EPHX2: variants seen among roughly 807,000 people sequenced by gnomAD.
EPHX2 encodes bifunctional epoxide hydrolase 2.
A neutral mutation model predicts 78.7 loss-of-function variants in EPHX2; 74 were observed. The ratio of observed to expected loss-of-function variants is 0.94; its 90% confidence interval spans 0.78 to 1.14. The LOEUF is 1.14. EPHX2 is among the 50% of genes most tolerant of loss of function. The pLI is 0.00. For synonymous variants in EPHX2, 251 were observed against 255.2 expected (o/e 0.98, Z 0.16); for missense variants, 715 against 702.5 (o/e 1.02, Z -0.20).
chr8:27,510,361 G>T (rs1016207061), intron 5 of EPHX2, among the ~76,000 whole-genome samples: 1 of 152,120 alleles, frequency 6.6e-6, no homozygotes, highest in African/African-American at 2.4e-5. Flanking sequence ...TCTGCCTCAG[G>T]GAAACTGATT....
chr8:27,522,051 T>TG (rs1258232637), intron 10 of EPHX2, among the ~76,000 whole-genome samples: 2 of 151,970 alleles, frequency 1.3e-5, no homozygotes, highest in East Asian at 1.9e-4. Flanking sequence ...AGTGGGGTTG[T>TG]GGGGGGTAGA....
intron 10 of EPHX2, among the ~76,000 whole-genome samples, chr8:27,521,926 C>T (rs1035190893): frequency 6.6e-6 from 1 of 152,178 alleles, no homozygotes; most frequent in African/African-American, 2.4e-5. Flanking sequence ...GTGGCTATAG[C>T]TCTTCCATAA....
At chr8:27,546,509 G>A (rs182977899), downstream of EPHX2, among the ~76,000 whole-genome samples, 1 of 152,202 alleles carries the variant, frequency 6.6e-6, no homozygotes, top group Non-Finnish European at 1.5e-5. Context: ...AGGACTGGGG[G>A]AAAGGCTTAC....
intron 1 of EPHX2, among the ~76,000 whole-genome samples, chr8:27,494,969 G>T (rs564488247): frequency 6.6e-6 from 1 of 152,240 alleles, no homozygotes; most frequent in African/African-American, 2.4e-5. Flanking sequence ...GGGTCCTTCC[G>T]TAGGTATTTC....
chr8:27,507,353 C>T (rs1403925334), intron 5 of EPHX2, among the ~76,000 whole-genome samples: 1 of 152,144 alleles, frequency 6.6e-6, no homozygotes. Context: ...TCGAGCATGC[C>T]GCTGGCACTC....
intron 12 of EPHX2, among the ~76,000 whole-genome samples, chr8:27,535,147 C>T (rs1227833325): frequency 1.3e-5 from 2 of 152,112 alleles, no homozygotes; most frequent in Non-Finnish European, 2.9e-5. Flanking sequence ...CCCTCAGCAG[C>T]AGCTGTGTTA....
At chr8:27,499,893 C>T (rs1394267179) in intron 1 of EPHX2, among the ~76,000 whole-genome samples, 4 of 152,178 alleles carry the variant, frequency 2.6e-5, no homozygotes, top group East Asian at 1.9e-4. Flanking sequence ...GTGTCCTAAT[C>T]GCCTTATAAG....
chr8:27,521,242 C>A (rs757668781), intron 10 of EPHX2, among the ~76,000 whole-genome samples: 2 of 152,238 alleles, frequency 1.3e-5, no homozygotes, highest in African/African-American at 2.4e-5. Flanking sequence ...TTTAAACTTT[C>A]ATCCCTTCTG....
chr8:27,532,460 A>G (rs1815077677), intron 12 of EPHX2, among the ~76,000 whole-genome samples: 1 of 152,120 alleles, frequency 6.6e-6, no homozygotes, highest in Non-Finnish European at 1.5e-5. Flanking sequence ...GGGCTGCCAT[A>G]ACAAAGTACC....
intron 12 of EPHX2, among the ~76,000 whole-genome samples, chr8:27,535,071 G>T (rs1187566593): frequency 1.3e-5 from 2 of 152,252 alleles, no homozygotes; most frequent in Non-Finnish European, 1.5e-5. Flanking sequence ...TGGGTGGTTA[G>T]AGGGAAGGAG....
chr8:27,536,634 A>G (rs569775174), intron 12 of EPHX2, 150 bp from the exon 13 acceptor site: 2 of 741,290 alleles, frequency 2.7e-6, no homozygotes, highest in Admixed American at 2.6e-5. Flanking sequence ...GACATGTTTT[A>G]TGATGAAAAT....
At chr8:27,515,848 T>A (rs1814429460) in intron 7 of EPHX2, 35 bp downstream of exon 7, 3 of 1,589,110 alleles carry the variant, frequency 1.9e-6, no homozygotes, top group Admixed American at 1.7e-5. Flanking sequence ...CCAGTCAGGG[T>A]GAGGTTGGGG....
intron 5 of EPHX2, among the ~76,000 whole-genome samples, chr8:27,510,891 G>A: frequency 6.6e-6 from 1 of 152,204 alleles, no homozygotes; most frequent in East Asian, 1.9e-4. Flanking sequence ...CAAGGCTGCA[G>A]TGAGCTGTGA....
At position 27,544,501 on chromosome 8, in the gene EPHX2, A is replaced by G; in HGVS notation, c.1647A>G (p.Pro549=). The change falls in exon 19 of 19, where the codon CCA becomes CCG. Residue 549 remains proline (P), a synonymous_variant. Transcript: ENST00000521400. The stretch of plus-strand genomic sequence containing the variant: ...GGCTGGATTCTGATGCCCGGAACCC[A>G]CCGGTGGTCTCAAAGATGTAGAACG... The part of the protein sequence containing the change: ...IKWLDSDARN[P]PVVSKM 2 of 1,613,808 alleles carry G rather than the reference A, an allele frequency of 1.2e-6. No individual in the cohort carries two copies. Among genetic ancestry groups the G allele is most frequent in the Non-Finnish European group, 8.5e-7 (1 of 1,180,014 alleles).
intron 15 of EPHX2, 102 bp downstream of exon 15, chr8:27,540,758 G>A (rs1489754170): frequency 3.7e-6 from 4 of 1,087,530 alleles, no homozygotes; most frequent in South Asian, 1.4e-5. Flanking sequence ...CTCCACCACA[G>A]CCCTCGTTAG....
At chr8:27,542,676 C>T (rs1815440525) in intron 16 of EPHX2, among the ~76,000 whole-genome samples, 1 of 152,106 alleles carries the variant, frequency 6.6e-6, no homozygotes, top group South Asian at 2.1e-4. Flanking sequence ...CAGTCTTGCT[C>T]AGTTGCCCAG....
intron 16 of EPHX2, among the ~76,000 whole-genome samples, chr8:27,542,829 A>T (rs1207026171): frequency 1.3e-5 from 2 of 151,990 alleles, no homozygotes; most frequent in Non-Finnish European, 1.5e-5. Flanking sequence ...TTTAGTAGAG[A>T]TGGGGCTTCA....
chr8:27,500,864 G>C (rs1813739280), intron 1 of EPHX2, 62 bp from the exon 2 acceptor site: 1 of 1,450,244 alleles, frequency 6.9e-7, no homozygotes, highest in Non-Finnish European at 9.6e-7. Flanking sequence ...AACAGTGTCT[G>C]TTTCCATGTG....
intron 16 of EPHX2, 117 bp from the exon 17 acceptor site, chr8:27,543,632 G>C (rs1815482719): frequency 2.0e-6 from 2 of 996,300 alleles, no homozygotes; most frequent in Non-Finnish European, 3.1e-6. Context: ...GTTGTGCAAA[G>C]TTCGGCAGAT....
Sources: allele counts gnomAD v4.1 joint callset (sites outside exome capture counted in the v4.1 genomes callset), GRCh38; gene constraint gnomAD v4.1.1; transcripts MANE v1.5; gene names NCBI Gene and HGNC (gene_info 2026-07-23, HGNC 2026-07-21).